POLR1E: variants seen among roughly 807,000 people sequenced by gnomAD.
The protein encoded by POLR1E is RNA polymerase I subunit E.
POLR1E carries 37 observed loss-of-function variants against 50.9 expected under a neutral mutation model. That is an observed-to-expected ratio of 0.73 (90% CI 0.56 to 0.96). POLR1E has a LOEUF of 0.96. POLR1E is among the 40% of genes least tolerant of loss of function. The probability of loss-of-function intolerance (pLI) is 0.00; values close to 1 mark genes in which losing one functional copy is unlikely to be tolerated. For synonymous variants in POLR1E, 166 were observed against 191.6 expected, an observed-to-expected ratio of 0.87 and a Z score of 1.10; for missense variants, 426 against 518.1, an observed-to-expected ratio of 0.82 and a Z score of 1.73.
rs12115425 is a variant in POLR1E, at chr9:37,493,808, G to T, written c.547+105G>T. ...CATGGAATGCTGGGAGCTAGGGCTG[G>T]ATTCCTTTCAGCCTCTTGCTGAAGG... On this transcript the variant is annotated intron_variant, in intron 6 of 11. Transcript: ENST00000377798. The T allele has an allele frequency of 8.7e-3, 10,754 of 1,236,554 alleles. 693 individuals are homozygous for T. The African/African-American group carries it at 0.14, about 17-fold the overall frequency. 76.6% of individuals were successfully genotyped at this position (1,236,554 alleles called of 1,614,324 possible). A position where few individuals can be genotyped will look rare whatever the true frequency, so the allele number is the denominator to read the frequency against.
At chr9:37,490,295 C>T (rs1201758334) in intron 4 of POLR1E, 2 of 426,854 alleles carry the variant, frequency 4.7e-6, no homozygotes, top group African/African-American at 4.1e-5. Flanking sequence ...AAAGACATTA[C>T]ATAATGAACT....
rs1375874749 is a variant in POLR1E, at chr9:37,487,889, T to A, written c.207T>A (p.Tyr69Ter). ...CAGCTGAAACAGATAGGCTCTCCTATGTGGGAAACAATTTTGGGACTGGAG... is the reference window on the plus strand; with the variant it reads ...CAGCTGAAACAGATAGGCTCTCCTAAGTGGGAAACAATTTTGGGACTGGAG... Reference protein sequence around the residue: ...ILAAETDRLSYVGNNFGTGAL... With the variant: ...ILAAETDRLS The change falls in exon 3 of 12, where the codon TAT (tyrosine) becomes TAA (stop). Residue 69 changes from tyrosine to a stop codon, truncating the protein, a stop_gained. Transcript: ENST00000377798. LOFTEE classifies it high-confidence loss of function. The A allele has an allele frequency of 6.2e-7, 1 of 1,614,216 alleles. No homozygotes were observed. The highest frequency in any genetic ancestry group is 1.3e-5 in the African/African-American group (1 of 75,064).
intron 11 of POLR1E, 29 bp from the exon 12 acceptor site, chr9:37,503,014 T>A: frequency 6.3e-7 from 1 of 1,594,342 alleles, no homozygotes; most frequent in Non-Finnish European, 8.5e-7. Context: ...GAGGGGTCTC[T>A]CCAGTTCTTC....
chr9:37,486,613 C>A (rs768848959), intron 1 of POLR1E, 90 bp from the exon 2 acceptor site: 25 of 1,614,040 alleles, frequency 1.5e-5, no homozygotes, highest in Non-Finnish European at 2.0e-5. Context: ...CTGACACTCC[C>A]TCCCAGTGAC....
chr9:37,489,528 G>A, intron 4 of POLR1E, 128 bp downstream of exon 4: 2 of 682,782 alleles, frequency 2.9e-6, no homozygotes, highest in Non-Finnish European at 2.3e-6. Flanking sequence ...TGTTTTTTCT[G>A]CTTTGTCTGT....
At chr9:37,496,642 T>TTTTTTTTTAA (rs1820791967) in intron 8 of POLR1E, among the ~76,000 whole-genome samples, 1 of 142,738 alleles carries the variant, frequency 7.0e-6, no homozygotes, top group Non-Finnish European at 1.5e-5. Flanking sequence ...TTTTTTTTTT[T>TTTTTTTTTAA]GCTTCAAAGA....
chr9:37,498,454 A>G (rs1333929822), intron 9 of POLR1E, among the ~76,000 whole-genome samples: 1 of 152,188 alleles, frequency 6.6e-6, no homozygotes, highest in Non-Finnish European at 1.5e-5. Context: ...GTTGGATTAT[A>G]TGATAGTTCA....
At position 37,485,976 on chromosome 9, in the gene POLR1E, T is replaced by C; in HGVS notation, c.-72T>C. 1.9e-6 allele frequency: 3 copies of C among 1,544,052 alleles called. No homozygotes were observed. Among genetic ancestry groups the C allele is most frequent in the Admixed American group, 2.0e-5 (1 of 51,080 alleles). ...TTCCGGCCCGCAGCGCGGCCTGGGC[T>C]CCCGCGTGTTTAAAAGTGCGCTTGT... On this transcript the variant is annotated 5_prime_UTR_variant, in exon 1 of 12. Coordinates refer to ENST00000377798, the MANE Select transcript of POLR1E (RefSeq NM_022490.4).
chr9:37,496,604 G>T (rs12378594), intron 8 of POLR1E, among the ~76,000 whole-genome samples: 32,180 of 145,046 alleles, frequency 0.22, 3,719 homozygotes, highest in East Asian at 0.27. Context: ...CCAGTGCCTT[G>T]GAATTATTAT....
Position 37,495,806 on chromosome 9 carries a change from T to A in POLR1E, c.656-84T>A, listed in dbSNP as rs1379041619. 2.7e-5 allele frequency: 26 copies of A among 955,338 alleles called. No individual in the cohort carries two copies. The East Asian group carries it at 6.3e-4, about 23-fold the overall frequency. 59.2% of individuals were successfully genotyped at this position (955,338 alleles called of 1,614,324 possible). ...TTGGCTCTCTGAGCCTGTTTCCCTG[T>A]CTGTGAAATGCCACTGCTATGAGAT... On this transcript the variant is annotated intron_variant, in intron 7 of 11. Transcript: ENST00000377798.
intron 11 of POLR1E, among the ~76,000 whole-genome samples, chr9:37,502,072 T>C (rs939265180): frequency 7.9e-5 from 12 of 152,212 alleles, no homozygotes; most frequent in African/African-American, 2.7e-4. Flanking sequence ...CTCACTGATT[T>C]CCCTAGAAAA....
chr9:37,487,417 C>T (rs1284903973), intron 2 of POLR1E, among the ~76,000 whole-genome samples: 3 of 152,090 alleles, frequency 2.0e-5, no homozygotes, highest in Admixed American at 6.5e-5. Flanking sequence ...TTTGGTGTTT[C>T]GAGTGAAAAG....
chr9:37,486,439 G>A (rs1429268537), intron 1 of POLR1E: 2 of 1,546,588 alleles, frequency 1.3e-6, no homozygotes, highest in African/African-American at 2.7e-5. Context: ...GTCACTTTAG[G>A]TATGTACCAG....
chr9:37,495,233 T>C lies in POLR1E; in HGVS notation c.612T>C (p.Tyr204=). 1 of 1,614,172 alleles carries C rather than the reference T, an allele frequency of 6.2e-7. No homozygotes were observed. Among genetic ancestry groups the C allele is most frequent in the African/African-American group, 1.3e-5 (1 of 75,058 alleles). ...ACTCCCTCTACCTTCCTCCCTGCTA[T>C]GATGATGCAGCCAAGCCTGAAGACG... ...QDDSLYLPPC[Y]DDAAKPEDVY... The change falls in exon 7 of 12, where the codon TAT becomes TAC. Residue 204 remains tyrosine (Y), a synonymous_variant. Coordinates refer to ENST00000377798, the MANE Select transcript of POLR1E (RefSeq NM_022490.4).
At position 37,486,311 on chromosome 9, in the gene POLR1E, T is replaced by C. The variant is rs910438058; in HGVS notation, c.76+188T>C. Reference sequence around the variant, plus strand: ...TTTCTGTCACTACCTCCCAGCCAGATTGGGACATCCCACTCACCCGCTCCC... The same window carrying C: ...TTTCTGTCACTACCTCCCAGCCAGACTGGGACATCCCACTCACCCGCTCCC... On this transcript the variant is annotated intron_variant, in intron 1 of 11. Coordinates refer to ENST00000377798, the MANE Select transcript of POLR1E (RefSeq NM_022490.4). The C allele has an allele frequency of 1.1e-5, 14 of 1,300,460 alleles. No individual in the cohort carries two copies. In the African/African-American group the frequency reaches 1.6e-4, roughly 15 times the overall value. The allele number at this position is 1,300,460 out of a possible 1,614,324, so 80.6% of individuals were successfully genotyped here.
chr9:37,502,368 C>T (rs951891190), intron 11 of POLR1E, among the ~76,000 whole-genome samples: 4 of 152,164 alleles, frequency 2.6e-5, no homozygotes, highest in African/African-American at 9.7e-5. Context: ...GTTCCAAGGC[C>T]AGGTGGAACT....
rs374830865 is a variant in POLR1E at position 37,485,999 on chromosome 9, T to A, written c.-49T>A. ...GCTCCCGCGTGTTTAAAAGTGCGCT[T>A]GTGGCTGCTGCTGTCTTAACTCCTG... On this transcript the variant is annotated 5_prime_UTR_variant, in exon 1 of 12. Coordinates refer to ENST00000377798, the MANE Select transcript of POLR1E (RefSeq NM_022490.4). 6.4e-7 allele frequency: 1 copy of A among 1,572,240 alleles called. No homozygotes were observed. Among genetic ancestry groups the A allele is most frequent in the African/African-American group, 1.3e-5 (1 of 74,472 alleles).
chr9:37,492,033 C>T lies in POLR1E; in HGVS notation c.344-624C>T, dbSNP rs1005716411. Among the ~76,000 whole-genome samples, 3 of 152,218 alleles carry T rather than the reference C, an allele frequency of 2.0e-5. No homozygotes were observed. In the South Asian group the frequency reaches 6.2e-4, roughly 31 times the overall value. ...TTAAGTCCTTACTATATGCTAGTCA[C>T]TGTTCTAAGCACTTTCCATGCATAT... On this transcript the variant is annotated intron_variant, in intron 4 of 11. Transcript: ENST00000377798.
intron 7 of POLR1E, among the ~76,000 whole-genome samples, chr9:37,495,555 G>C (rs7863996): frequency 0.28 from 42,409 of 152,052 alleles, 6,510 homozygotes; most frequent in African/African-American, 0.4. Context: ...CAAAATAAGA[G>C]TTGAACCAGC....
Sources: allele counts gnomAD v4.1 joint callset (sites outside exome capture counted in the v4.1 genomes callset), GRCh38; gene constraint gnomAD v4.1.1; transcripts MANE v1.5; gene names NCBI Gene and HGNC (gene_info 2026-07-23, HGNC 2026-07-21).